EYS: variants seen among roughly 807,000 people sequenced by gnomAD.
The protein encoded by EYS is protein eyes shut homolog.
Under a neutral mutation model 282.1 loss-of-function variants are expected in EYS, and 250 were observed. The ratio of observed to expected loss-of-function variants is 0.89; its 90% CI spans 0.80 to 0.98. EYS has a LOEUF of 0.98. Among genes scored for constraint, EYS ranks in the 50% least tolerant of loss-of-function variants. EYS has a pLI of 0.00. For synonymous variants in EYS, 1,355 were observed against 1,282.9 expected (o/e 1.06, Z -1.20); for missense variants, 4,016 against 3,709.0 (o/e 1.08, Z -2.15).
At chr6:64,405,687 G>A (rs1773684534) in intron 28 of EYS, among the ~76,000 whole-genome samples, 1 of 151,992 alleles carries the variant, frequency 6.6e-6, no homozygotes, top group African/African-American at 2.4e-5. Flanking sequence ...ACCAATAACA[G>A]ACAAACAGAG....
chr6:65,394,996 A>AATTCTTTAAC (rs112779699), intron 7 of EYS, among the ~76,000 whole-genome samples: 3,292 of 152,230 alleles, frequency 0.022, 143 homozygotes, highest in African/African-American at 0.075. Context: ...CATCCCCTCT[A>AATTCTTTAAC]ATTCTTTAAC....
chr6:65,569,628 C>G (rs532462194), intron 2 of EYS, among the ~76,000 whole-genome samples: 2 of 152,094 alleles, frequency 1.3e-5, no homozygotes, highest in African/African-American at 4.8e-5. Flanking sequence ...ACTCTGCACT[C>G]AGTGGATCAG....
intron 35 of EYS, among the ~76,000 whole-genome samples, chr6:63,898,073 G>T (rs1009935086): frequency 6.6e-6 from 1 of 152,126 alleles, no homozygotes; most frequent in African/African-American, 2.4e-5. Context: ...AAAATATTTG[G>T]CAATTACATC....
chr6:64,159,539 G>A (rs1399362479), intron 31 of EYS, among the ~76,000 whole-genome samples: 4 of 133,464 alleles, frequency 3.0e-5, no homozygotes, highest in African/African-American at 1.1e-4. Context: ...CAGCCTGGGC[G>A]ACAGAGCGAG....
At chr6:64,053,948 C>T (rs1415389901) in intron 33 of EYS, among the ~76,000 whole-genome samples, 1 of 152,120 alleles carries the variant, frequency 6.6e-6, no homozygotes, top group Non-Finnish European at 1.5e-5. Flanking sequence ...ATGGCCTTTA[C>T]ATACTTAACT....
chr6:64,439,242 G>A lies in EYS; in HGVS notation c.5755C>T (p.Leu1919Phe), dbSNP rs1275377315. The A allele has an allele frequency of 4.6e-6, 7 of 1,512,816 alleles. No homozygotes were observed. Among genetic ancestry groups the A allele is most frequent in the Non-Finnish European group, 6.2e-6 (7 of 1,130,540 alleles). 93.7% of individuals were successfully genotyped at this position (1,512,816 alleles called of 1,614,324 possible). A position where few individuals can be genotyped will look rare whatever the true frequency, so the allele number is the denominator to read the frequency against. ...GAGTCTTGCTTGACATACAGCAGAA[G>A]TCCATAGGAGCTGAAGGTCTGAAAT... is the stretch of plus-strand genomic sequence containing the variant. ...LEFQTFSSYGLLLYVKQDSNL... is the reference protein window; with the variant it reads ...LEFQTFSSYGFLLYVKQDSNL... The change falls in exon 27 of 43, where the codon CTT becomes TTT. Residue 1919 changes from leucine to phenylalanine, a missense_variant. Leu to Phe is a conservative substitution (Grantham distance 22). Coordinates refer to ENST00000503581, the MANE Select transcript of EYS (RefSeq NM_001142800.2).
chr6:64,628,354 T>C (rs763294206), intron 22 of EYS, among the ~76,000 whole-genome samples: 2 of 152,140 alleles, frequency 1.3e-5, no homozygotes, highest in Non-Finnish European at 1.5e-5. Context: ...AATCGAAGTG[T>C]TCATTGTCTT....
intron 22 of EYS, among the ~76,000 whole-genome samples, chr6:64,647,513 T>C (rs1296444404): frequency 6.6e-6 from 1 of 152,196 alleles, no homozygotes; most frequent in African/African-American, 2.4e-5. Flanking sequence ...CAAATAGCTA[T>C]GTACAGATTT....
intron 26 of EYS, among the ~76,000 whole-genome samples, chr6:64,502,002 GATAAT>G (rs547508006): frequency 6.6e-6 from 1 of 152,108 alleles, no homozygotes; most frequent in Non-Finnish European, 1.5e-5. Context: ...ACAGAGTAGT[GATAAT>G]ATAACACCGA....
intron 1 of EYS, among the ~76,000 whole-genome samples, chr6:65,700,397 C>T (rs1365588579): frequency 6.6e-6 from 1 of 151,920 alleles, no homozygotes; most frequent in Non-Finnish European, 1.5e-5. Context: ...CAGAAAAGCC[C>T]AGGAATCAAG....
intron 24 of EYS, among the ~76,000 whole-genome samples, chr6:64,616,754 C>A (rs1171171782): frequency 6.6e-6 from 1 of 152,050 alleles, no homozygotes; most frequent in Non-Finnish European, 1.5e-5. Flanking sequence ...TGACTATACC[C>A]CATCTCTAAT....
At chr6:64,854,238 T>A (rs1004683586) in intron 19 of EYS, among the ~76,000 whole-genome samples, 4 of 152,134 alleles carry the variant, frequency 2.6e-5, no homozygotes, top group Admixed American at 6.5e-5. Flanking sequence ...GACTCAGCAA[T>A]CGCATTACTG....
chr6:64,748,144 G>A (rs1256123480), intron 22 of EYS, among the ~76,000 whole-genome samples: 1 of 152,160 alleles, frequency 6.6e-6, no homozygotes, highest in Non-Finnish European at 1.5e-5. Context: ...ACAAAGCCAA[G>A]AACATTATTC....
chr6:63,860,606 C>G (rs1272571549), intron 36 of EYS, among the ~76,000 whole-genome samples: 1 of 152,196 alleles, frequency 6.6e-6, no homozygotes, highest in Non-Finnish European at 1.5e-5. Context: ...GCCCTGTGCG[C>G]CTTTGCACTG....
At chr6:64,367,663 G>T (rs1443751967) in intron 29 of EYS, among the ~76,000 whole-genome samples, 1 of 152,130 alleles carries the variant, frequency 6.6e-6, no homozygotes, top group South Asian at 2.1e-4. Flanking sequence ...TGTGAATGGG[G>T]TCTACGGGGA....
intron 34 of EYS, among the ~76,000 whole-genome samples, chr6:63,997,935 G>A (rs532867558): frequency 6.6e-6 from 1 of 152,156 alleles, no homozygotes; most frequent in South Asian, 2.1e-4. Flanking sequence ...TTCACTATGA[G>A]TCATTCATAT....
intron 34 of EYS, among the ~76,000 whole-genome samples, chr6:63,990,028 A>G (rs1271653419): frequency 1.3e-5 from 2 of 151,610 alleles, no homozygotes; most frequent in Non-Finnish European, 3.0e-5. Context: ...TTGAAGGGAC[A>G]ACTAAACTTT....
At chr6:64,436,503 T>A (rs1259521755) in intron 27 of EYS, among the ~76,000 whole-genome samples, 9 of 151,832 alleles carry the variant, frequency 5.9e-5, no homozygotes, top group Non-Finnish European at 8.9e-5. Flanking sequence ...TGTGTACACA[T>A]ACATGTCTAG....
chr6:65,613,579 C>T (rs1054445224), intron 2 of EYS, among the ~76,000 whole-genome samples: 16 of 151,648 alleles, frequency 1.1e-4, no homozygotes, highest in African/African-American at 3.9e-4. Flanking sequence ...TGATTGCCAG[C>T]CAAACAGAAT....
Sources: allele counts gnomAD v4.1 joint callset (sites outside exome capture counted in the v4.1 genomes callset), GRCh38; gene constraint gnomAD v4.1.1; transcripts MANE v1.5; gene names NCBI Gene and HGNC (gene_info 2026-07-23, HGNC 2026-07-21).